The following RYR2 variants were observed in gnomAD, a reference collection of about 807,000 sequenced individuals.
The protein encoded by RYR2 is cardiac muscle ryanodine receptor-calcium release channel.
A neutral mutation model predicts 601.1 loss-of-function variants in RYR2; 227 were observed. The ratio of observed to expected loss-of-function variants is 0.38; its 90% CI spans 0.34 to 0.42. The LOEUF is 0.42. Among genes scored for constraint, RYR2 ranks in the 10% least tolerant of loss-of-function variants. The pLI, the probability that RYR2 is intolerant of heterozygous loss-of-function variation, is 1.00. For missense variants in RYR2, 4,646 were observed against 6,156.5 expected (o/e 0.75, Z 8.21); for synonymous variants, 2,223 against 2,175.1 (o/e 1.02, Z -0.61).
intron 74 of RYR2, 136 bp downstream of exon 74, chr1:237,723,398 C>A: frequency 1.7e-6 from 1 of 575,798 alleles, no homozygotes; most frequent in Non-Finnish European, 3.0e-6. Flanking sequence ...GAATAAGAGT[C>A]CGGTGTGCTT....
At chr1:237,561,769 A>G (rs1671478768) in intron 27 of RYR2, among the ~76,000 whole-genome samples, 1 of 152,210 alleles carries the variant, frequency 6.6e-6, no homozygotes, top group Admixed American at 6.5e-5. Context: ...GTGTGATCAC[A>G]GTTTACAATA....
chr1:237,509,503 A>G (rs1189157057), intron 23 of RYR2, among the ~76,000 whole-genome samples: 2 of 152,162 alleles, frequency 1.3e-5, no homozygotes, highest in African/African-American at 4.8e-5. Context: ...TTACTTTGGG[A>G]TATATTTCCC....
intron 1 of RYR2, among the ~76,000 whole-genome samples, chr1:237,154,529 T>C (rs1675093858): frequency 6.6e-6 from 1 of 152,162 alleles, no homozygotes. Context: ...CAATGTAGAT[T>C]TTCAGGCAGG....
chr1:237,644,879 A>G (rs1273890962), intron 48 of RYR2, among the ~76,000 whole-genome samples: 2 of 152,068 alleles, frequency 1.3e-5, no homozygotes, highest in Non-Finnish European at 2.9e-5. Context: ...TAAAAATACA[A>G]AAGTTAAACA....
chr1:237,629,824 T>C (rs945517744), intron 41 of RYR2, among the ~76,000 whole-genome samples: 2 of 152,192 alleles, frequency 1.3e-5, no homozygotes, highest in African/African-American at 4.8e-5. Context: ...CTCATGGACC[T>C]ATTAAGTATT....
intron 2 of RYR2, among the ~76,000 whole-genome samples, chr1:237,319,261 C>T (rs997424205): frequency 6.6e-6 from 1 of 151,902 alleles, no homozygotes; most frequent in Non-Finnish European, 1.5e-5. Flanking sequence ...TTATAATAGC[C>T]GCCTTGAAGC....
intron 16 of RYR2, among the ~76,000 whole-genome samples, chr1:237,464,312 GA>G (rs1320809370): frequency 1.3e-5 from 2 of 151,974 alleles, no homozygotes; most frequent in Non-Finnish European, 2.9e-5. Flanking sequence ...CTCTAAGAGT[GA>G]AAGTGTAGCC....
At chr1:237,485,234 A>G (rs1662555539) in intron 17 of RYR2, among the ~76,000 whole-genome samples, 1 of 152,234 alleles carries the variant, frequency 6.6e-6, no homozygotes, top group Admixed American at 6.5e-5. Context: ...CTTAACAATT[A>G]TGAATCTTGT....
chr1:237,388,275 G>A (rs1702107064), intron 10 of RYR2, 92 bp downstream of exon 10: 1 of 1,018,254 alleles, frequency 9.8e-7, no homozygotes, highest in South Asian at 1.4e-5. Flanking sequence ...CAGGCCAGTA[G>A]CATCATACAA....
chr1:237,681,048 CT>C (rs926538690), intron 62 of RYR2, among the ~76,000 whole-genome samples: 4 of 152,206 alleles, frequency 2.6e-5, no homozygotes, highest in African/African-American at 9.7e-5. Flanking sequence ...AAGCTTTCCC[CT>C]CTTAACAATG....
chr1:237,574,228 A>AG (rs1428531315), intron 29 of RYR2, among the ~76,000 whole-genome samples: 1 of 152,184 alleles, frequency 6.6e-6, no homozygotes, highest in African/African-American at 2.4e-5. Flanking sequence ...AGGAATAGTG[A>AG]GGGGCATGTG....
rs187738936 is a variant in RYR2, at chr1:237,347,650, G to A, written c.274-8315G>A. Among the ~76,000 whole-genome samples, 25 of 151,966 alleles carry A rather than the reference G, an allele frequency of 1.6e-4. No homozygotes were observed. The East Asian group carries it at 2.9e-3, about 18-fold the overall frequency. On this transcript the variant is annotated intron_variant, in intron 3 of 104. Transcript: ENST00000366574. ...TCTTTTATTGTTTGGATCAGACCTCGTTTAAAAATGTAGAGGAAAAATTTA... is the reference window on the plus strand; with the variant it reads ...TCTTTTATTGTTTGGATCAGACCTCATTTAAAAATGTAGAGGAAAAATTTA...
intron 97 of RYR2, among the ~76,000 whole-genome samples, chr1:237,799,824 GAAT>G (rs1659736752): frequency 1.3e-5 from 2 of 152,148 alleles, no homozygotes; most frequent in Admixed American, 1.3e-4. Context: ...CCTGGGGGTG[GAAT>G]AGCTGCAAGC....
chr1:237,224,307 T>C (rs1409070725), intron 1 of RYR2, among the ~76,000 whole-genome samples: 2 of 152,082 alleles, frequency 1.3e-5, no homozygotes, highest in Non-Finnish European at 2.9e-5. Flanking sequence ...TCTATTTATG[T>C]GTTAATCAAC....
rs1335587167 is a variant in RYR2 at position 237,791,748 on chromosome 1, A to G, written c.13563+233A>G. 1.1e-5 allele frequency: 6 copies of G among 569,568 alleles called. No individual in the cohort carries two copies. In the Admixed American group the frequency reaches 2.0e-4, roughly 19 times the overall value. The allele number at this position is 569,568 out of a possible 1,614,324, so 35.3% of individuals were successfully genotyped here. On this transcript the variant is annotated intron_variant, in intron 93 of 104. Transcript: ENST00000366574. ...ATTTGATTTAGCAGAGGGCTTCCCC[A>G]CAGTATTCCCAGCCTAATTTAGCTG...
chr1:237,120,438 G>A (rs1670645690), intron 1 of RYR2, among the ~76,000 whole-genome samples: 1 of 152,184 alleles, frequency 6.6e-6, no homozygotes, highest in Non-Finnish European at 1.5e-5. Flanking sequence ...GCTGTTCTGA[G>A]TCTGAAAAGA....
intron 88 of RYR2, among the ~76,000 whole-genome samples, chr1:237,779,357 A>G (rs1426978906): frequency 1.3e-5 from 2 of 152,230 alleles, no homozygotes; most frequent in African/African-American, 4.8e-5. Flanking sequence ...TCACTGCTGT[A>G]TTTGTTTCAT....
chr1:237,305,555 C>T (rs969538543), intron 2 of RYR2, among the ~76,000 whole-genome samples: 9 of 152,182 alleles, frequency 5.9e-5, no homozygotes, highest in Non-Finnish European at 1.3e-4. Flanking sequence ...TCTCAACCTC[C>T]CAAGTATCTG....
At chr1:237,047,287 C>T (rs777393431) in intron 1 of RYR2, among the ~76,000 whole-genome samples, 28 of 152,196 alleles carry the variant, frequency 1.8e-4, no homozygotes, top group Non-Finnish European at 3.8e-4. Context: ...GTCCTTCCAG[C>T]CAGTGAAAAG....
Sources: gnomAD v4.1 joint callset for allele counts (sites outside exome capture counted in the v4.1 genomes callset) on GRCh38, gnomAD v4.1.1 for gene constraint, MANE v1.5 for transcripts, NCBI Gene and HGNC (gene_info 2026-07-23, HGNC 2026-07-21) for gene names.